FNIP2: variants seen among roughly 807,000 people sequenced by gnomAD.
FNIP2 encodes the protein folliculin interacting protein 2, also known as folliculin-interacting protein 2.
FNIP2 carries 32 observed loss-of-function variants against 108.7 expected under a neutral mutation model. The observed-to-expected ratio is 0.29, with a 90% CI of 0.22 to 0.40. The LOEUF is 0.40. Ranked by LOEUF, FNIP2 falls within the 10% of genes least tolerant of loss-of-function variation. FNIP2 has a pLI of 1.00. For synonymous variants in FNIP2, 480 were observed against 496.7 expected (o/e 0.97, Z 0.45); for missense variants, 1,202 against 1,381.6 (o/e 0.87, Z 2.06).
Position 158,871,406 on chromosome 4 carries a change from A to AT in FNIP2, c.2949+948dup, listed in dbSNP as rs201052370. ...TTACCTACCTCCTTGGCCAACAAGT[A>AT]TTTTTTTTTTTGAGGTGGAACAAAA... On this transcript the variant is annotated intron_variant, in intron 14 of 16. Coordinates refer to ENST00000264433, the MANE Select transcript of FNIP2 (RefSeq NM_020840.3). 3,079 of 695,964 alleles carry AT rather than the reference A, an allele frequency of 4.4e-3. 4 individuals carry two copies. The highest frequency in any genetic ancestry group is 0.03 in the East Asian group (226 of 7,584). The allele number at this position is 695,964 out of a possible 1,614,324, so 43.1% of individuals were successfully genotyped here.
intron 1 of FNIP2, among the ~76,000 whole-genome samples, chr4:158,776,774 G>A (rs945674365): frequency 1.3e-5 from 2 of 152,158 alleles, no homozygotes; most frequent in Non-Finnish European, 1.5e-5. Flanking sequence ...GGAAGTTGGC[G>A]TTTAATAAAT....
chr4:158,853,855 A>G lies in FNIP2; in HGVS notation c.857+2405A>G, dbSNP rs548959243. 7.7e-4 allele frequency among the ~76,000 whole-genome samples: 118 copies of G among 152,282 alleles called. 1 individual carries two copies. Among genetic ancestry groups the G allele is most frequent in the African/African-American group, 2.6e-3 (107 of 41,564 alleles). On this transcript the variant is annotated intron_variant, in intron 8 of 16. Coordinates refer to ENST00000264433, the MANE Select transcript of FNIP2 (RefSeq NM_020840.3). The stretch of plus-strand genomic sequence containing the variant: ...AATATTTCTTCTGACATTTCCTGTA[A>G]CTTGTGGAGATCTTACAAGAAACTA...
chr4:158,826,510 A>G (rs970416569), intron 2 of FNIP2, among the ~76,000 whole-genome samples: 1 of 152,256 alleles, frequency 6.6e-6, no homozygotes, highest in Non-Finnish European at 1.5e-5. Context: ...CAGGACTTCC[A>G]TATGCAAACC....
intron 1 of FNIP2, among the ~76,000 whole-genome samples, chr4:158,781,844 T>A (rs949183930): frequency 6.6e-6 from 1 of 152,216 alleles, no homozygotes; most frequent in African/African-American, 2.4e-5. Flanking sequence ...AATTCAAACC[T>A]GACTCTCCCA....
At chr4:158,809,754 A>C (rs1410664293) in intron 1 of FNIP2, among the ~76,000 whole-genome samples, 1 of 152,250 alleles carries the variant, frequency 6.6e-6, no homozygotes, top group Non-Finnish European at 1.5e-5. Flanking sequence ...GAAACAGAGC[A>C]CTTCAGAGTC....
At chr4:158,797,871 G>A (rs1776639129) in intron 1 of FNIP2, among the ~76,000 whole-genome samples, 1 of 152,170 alleles carries the variant, frequency 6.6e-6, no homozygotes, top group Admixed American at 6.5e-5. Context: ...TATCACTAGT[G>A]TTGAGAGAAG....
intron 15 of FNIP2, among the ~76,000 whole-genome samples, chr4:158,895,103 A>G (rs1290389843): frequency 1.3e-5 from 2 of 152,208 alleles, no homozygotes; most frequent in Non-Finnish European, 2.9e-5. Context: ...CTCTAAAAAA[A>G]TGAAGCTGAA....
At chr4:158,857,920 C>T (rs557600695) in intron 8 of FNIP2, among the ~76,000 whole-genome samples, 1 of 152,230 alleles carries the variant, frequency 6.6e-6, no homozygotes, top group South Asian at 2.1e-4. Flanking sequence ...TGCACCCCAG[C>T]GTGGGTGACA....
chr4:158,821,981 T>G lies in FNIP2; in HGVS notation c.108-3935T>G, dbSNP rs374911351. 1.3e-5 allele frequency among the ~76,000 whole-genome samples: 2 copies of G among 151,852 alleles called. 1 individual carries two copies. The highest frequency in any genetic ancestry group is 3.9e-4 in the East Asian group (2 of 5,164). ...GGCACATGCCTGTAGTCCCAGCTAC[T>G]TGGGGGGCTGAGATGGGAGAATTTC... On this transcript the variant is annotated intron_variant, in intron 1 of 16. Transcript: ENST00000264433.
chr4:158,901,675 C>G (rs1193535037), intron 16 of FNIP2, among the ~76,000 whole-genome samples: 2 of 151,884 alleles, frequency 1.3e-5, no homozygotes, highest in Non-Finnish European at 2.9e-5. Context: ...TTCTTGGAGG[C>G]TTTGTTCGTT....
chr4:158,846,957 A>G (rs888378664), intron 7 of FNIP2, among the ~76,000 whole-genome samples: 8 of 152,252 alleles, frequency 5.3e-5, no homozygotes, highest in Admixed American at 3.3e-4. Context: ...TGTGGTGCAG[A>G]AAGGGAATCT....
intron 1 of FNIP2, among the ~76,000 whole-genome samples, chr4:158,779,573 T>C (rs1325977658): frequency 1.9e-3 from 1 of 528 alleles, no homozygotes; most frequent in Admixed American, 0.12. Context: ...TGGTCGTGGT[T>C]TTTTTTTTTT....
In FNIP2 at chr4:158,817,705, G is replaced by A. The variant is rs950824022; in HGVS notation, c.108-8211G>A. On this transcript the variant is annotated intron_variant, in intron 1 of 16. Transcript: ENST00000264433. ...TGGGATCACAGGCGCCCACCGCCAT[G>A]CCTGGCTAATTTTTATACTTTTAGT... is the stretch of plus-strand genomic sequence containing the variant. 4.6e-5 allele frequency among the ~76,000 whole-genome samples: 7 copies of A among 152,290 alleles called. No individual in the cohort carries two copies. In the East Asian group the frequency reaches 1.3e-3, roughly 29 times the overall value.
chr4:158,889,033 G>A (rs191673052), intron 14 of FNIP2, among the ~76,000 whole-genome samples: 131 of 151,540 alleles, frequency 8.6e-4, no homozygotes, highest in African/African-American at 2.9e-3. Flanking sequence ...CTACAAAAAC[G>A]TTTTTTTTAA....
At chr4:158,806,207 A>G (rs1442672849) in intron 1 of FNIP2, 13 of 1,275,336 alleles carry the variant, frequency 1.0e-5, no homozygotes, top group African/African-American at 3.1e-5. Flanking sequence ...GTCCATGTTT[A>G]TGGTCAGGAT....
chr4:158,831,964 G>T lies in FNIP2; in HGVS notation c.482+3G>T. 1 of 1,608,550 alleles carries T rather than the reference G, an allele frequency of 6.2e-7. No individual in the cohort carries two copies. Among genetic ancestry groups the T allele is most frequent in the South Asian group, 1.1e-5 (1 of 90,306 alleles). Reference sequence around the variant, plus strand: ...ACCTTAAAGATACACTACATACGGTGAGTCTGGGCTTCCTTTTCTACTAGT... The same window carrying T: ...ACCTTAAAGATACACTACATACGGTTAGTCTGGGCTTCCTTTTCTACTAGT... On this transcript the variant is annotated splice_donor_region_variant and intron_variant, in intron 4 of 16. Transcript: ENST00000264433.
intron 2 of FNIP2, 82 bp from the exon 3 acceptor site, chr4:158,828,997 A>T: frequency 1.7e-6 from 2 of 1,207,594 alleles, no homozygotes; most frequent in Non-Finnish European, 2.2e-6. Context: ...GAATGCTTTT[A>T]AAAAGGAATT....
chr4:158,892,923 A>G (rs958873011), intron 15 of FNIP2, among the ~76,000 whole-genome samples: 3 of 152,258 alleles, frequency 2.0e-5, no homozygotes, highest in African/African-American at 7.2e-5. Context: ...GACCAAATCT[A>G]TACTTGTACC....
At chr4:158,786,136 C>T (rs1776217393) in intron 1 of FNIP2, among the ~76,000 whole-genome samples, 1 of 152,210 alleles carries the variant, frequency 6.6e-6, no homozygotes, top group Non-Finnish European at 1.5e-5. Flanking sequence ...GTGCCATCAT[C>T]TACAGGGATG....
Sources: gnomAD v4.1 joint callset for allele counts (sites outside exome capture counted in the v4.1 genomes callset) on GRCh38, gnomAD v4.1.1 for gene constraint, MANE v1.5 for transcripts, NCBI Gene and HGNC (gene_info 2026-07-23, HGNC 2026-07-21) for gene names.